XIAP: variants seen among roughly 807,000 people sequenced by gnomAD.
XIAP encodes the protein X-linked inhibitor of apoptosis.
In XIAP, 3 loss-of-function variants were observed where a neutral mutation model predicts 33.1. The observed-to-expected ratio is 0.09, with a 90% CI of 0.04 to 0.23. The LOEUF (loss-of-function observed/expected upper bound fraction) is 0.23. Ranked by LOEUF, XIAP falls within the 10% of genes least tolerant of loss-of-function variation. The pLI is 1.00. For synonymous variants in XIAP, 98 were observed against 121.3 expected (o/e 0.81, Z 1.26); for missense variants, 264 against 363.0 (o/e 0.73, Z 2.22).
At chrX:123,863,406 G>A (rs1359933000) in intron 1 of XIAP, among the ~76,000 whole-genome samples, 1 of 110,672 alleles carries the variant, frequency 9.0e-6, no homozygotes, top group African/African-American at 3.3e-5. Context: ...AGCTGAGAAC[G>A]CAACATTCAA....
chrX:123,865,397 G>A (rs969084715), intron 1 of XIAP, among the ~76,000 whole-genome samples: 2 of 110,666 alleles, frequency 1.8e-5, no homozygotes, highest in Non-Finnish European at 3.8e-5. Context: ...TCACATTTTT[G>A]ATATGTTATT....
intron 1 of XIAP, among the ~76,000 whole-genome samples, chrX:123,872,178 A>C (rs1006600787): frequency 9.0e-6 from 1 of 111,066 alleles, no homozygotes; most frequent in African/African-American, 3.3e-5. Context: ...ATTTTAGGGA[A>C]GTTTTTGCCC....
At chrX:123,867,305 C>T (rs1487826356) in intron 1 of XIAP, among the ~76,000 whole-genome samples, 2 of 108,731 alleles carry the variant, frequency 1.8e-5, no homozygotes, top group Admixed American at 1.0e-4. Context: ...GTGATTAGCC[C>T]GCCTCAGCCT....
chrX:123,867,671 C>CTTTTT (rs747177182), intron 1 of XIAP, among the ~76,000 whole-genome samples: 7 of 66,896 alleles, frequency 1.0e-4, no homozygotes, highest in Non-Finnish European at 1.6e-4. Context: ...CGTACCTGGC[C>CTTTTT]TTTTTTTTTT....
chrX:123,913,193 C>T lies in XIAP; in HGVS notation c.*6012C>T, dbSNP rs754384072. 29 of 326,352 alleles carry T rather than the reference C, an allele frequency of 8.9e-5. No individual in the cohort carries two copies. The highest frequency in any genetic ancestry group is 6.7e-4 in the African/African-American group (25 of 37,319). The allele number at this position is 326,352 out of a possible 1,213,427, so 26.9% of individuals were successfully genotyped here. A position where few individuals can be genotyped will look rare whatever the true frequency, so the allele number is the denominator to read the frequency against. ...TATCTTCAAAGTAGACAAATGGCGC[C>T]GGGCACGGTGGCTCACGCCTGTAAT... is the stretch of plus-strand genomic sequence containing the variant. On this transcript the variant is annotated 3_prime_UTR_variant, in exon 7 of 7. Coordinates refer to ENST00000371199, the MANE Select transcript of XIAP (RefSeq NM_001167.4).
chrX:123,904,168 C>A (rs967037996), intron 6 of XIAP, among the ~76,000 whole-genome samples: 3 of 110,735 alleles, frequency 2.7e-5, no homozygotes, highest in Non-Finnish European at 5.7e-5. Flanking sequence ...AACTCCTGGG[C>A]TCAAGCTATC....
chrX:123,886,367 T>G lies in XIAP; in HGVS notation c.705T>G (p.Leu235=). Reference sequence around the variant, plus strand: ...GCTTCTTTGTTTTGGGCCGGAATCTTAATATTCGAAGTGAATCTGATGCTG... The same window carrying G: ...GCTTCTTTGTTTTGGGCCGGAATCTGAATATTCGAAGTGAATCTGATGCTG... ...PNCFFVLGRN[L]NIRSESDAVS... is the part of the protein sequence containing the mutation. The change falls in exon 2 of 7, where the codon CTT becomes CTG. Residue 235 remains leucine (L), a synonymous_variant. Coordinates refer to ENST00000371199, the MANE Select transcript of XIAP (RefSeq NM_001167.4). The G allele has an allele frequency of 8.3e-7, 1 of 1,212,008 alleles. No homozygotes were observed. The highest frequency in any genetic ancestry group is 1.8e-5 in the South Asian group (1 of 57,029).
chrX:123,863,798 C>A (rs1472096447), intron 1 of XIAP, among the ~76,000 whole-genome samples: 1 of 111,430 alleles, frequency 9.0e-6, no homozygotes, highest in African/African-American at 3.3e-5. Flanking sequence ...CCTGGCCCAG[C>A]TGTCTCGTTT....
At chrX:123,894,131 G>A (rs978016271) in intron 5 of XIAP, among the ~76,000 whole-genome samples, 3 of 112,431 alleles carry the variant, frequency 2.7e-5, no homozygotes, top group Non-Finnish European at 5.6e-5. Flanking sequence ...CTTCACAGAG[G>A]TGTAAGTTTT....
At chrX:123,895,706 C>CA (rs1332052048) in intron 5 of XIAP, among the ~76,000 whole-genome samples, 9 of 101,812 alleles carry the variant, frequency 8.8e-5, no homozygotes, top group South Asian at 4.6e-4. Flanking sequence ...AGCATCTTTT[C>CA]ATGTGCCTAT....
At chrX:123,887,938 C>T (rs913941687) in intron 2 of XIAP, among the ~76,000 whole-genome samples, 14 of 107,480 alleles carry the variant, frequency 1.3e-4, no homozygotes, top group Non-Finnish European at 1.7e-4. Context: ...GAGCCGTGAT[C>T]GCGCCATTGC....
intron 1 of XIAP, among the ~76,000 whole-genome samples, chrX:123,867,468 G>T (rs2053152613): frequency 9.2e-6 from 1 of 108,493 alleles, no homozygotes; most frequent in Admixed American, 1.0e-4. Context: ...CCGCCTCCTG[G>T]GTTCAAGTGA....
In XIAP at chrX:123,909,239, C is replaced by T. The variant is rs1422835426; in HGVS notation, c.*2058C>T. 6.3e-6 allele frequency: 2 copies of T among 315,662 alleles called. No homozygotes were observed. Among genetic ancestry groups the T allele is most frequent in the Non-Finnish European group, 1.2e-5 (2 of 163,472 alleles). The allele number at this position is 315,662 out of a possible 1,213,427, so 26.0% of individuals were successfully genotyped here. A position where few individuals can be genotyped will look rare whatever the true frequency, so the allele number is the denominator to read the frequency against. ...AGAGACGGGGTTTCACCATGTTGGC[C>T]AGGCTGGTATCAAACTCCTGACCTC... On this transcript the variant is annotated 3_prime_UTR_variant, in exon 7 of 7. Coordinates refer to ENST00000371199, the MANE Select transcript of XIAP (RefSeq NM_001167.4).
rs368295939 is a variant in XIAP at position 123,912,216 on chromosome X, G to GAAA, written c.*5045_*5047dup. 0.17 allele frequency: 31,909 copies of GAAA among 184,207 alleles called. 1,361 individuals are homozygous for GAAA. The highest frequency in any genetic ancestry group is 0.27 in the East Asian group (1,687 of 6,260). 15.2% of individuals were successfully genotyped at this position (184,207 alleles called of 1,213,427 possible). Reference sequence around the variant, plus strand: ...ACCAAGGAGGAATTGAAAACACTGAGAAAAAAAAAAAAGACCACACAATAA... The same window carrying GAAA: ...ACCAAGGAGGAATTGAAAACACTGAGAAAAAAAAAAAAAAAGACCACACAATAA... On this transcript the variant is annotated 3_prime_UTR_variant, in exon 7 of 7. Transcript: ENST00000371199.
chrX:123,903,593 G>A (rs1229349057), intron 6 of XIAP, among the ~76,000 whole-genome samples: 1 of 103,106 alleles, frequency 9.7e-6, no homozygotes, highest in Non-Finnish European at 2.0e-5. Context: ...CCTGACTTCT[G>A]GTCCAGTGTT....
chrX:123,882,180 C>T (rs1329768142), intron 1 of XIAP, among the ~76,000 whole-genome samples: 1 of 111,917 alleles, frequency 8.9e-6, no homozygotes, highest in Non-Finnish European at 1.9e-5. Context: ...AGGTTTAACC[C>T]AGTCTCCCAG....
rs1159756658 is a variant in XIAP at position 123,913,652 on chromosome X, G to GT, written c.*6472dup. On this transcript the variant is annotated 3_prime_UTR_variant, in exon 7 of 7. Coordinates refer to ENST00000371199, the MANE Select transcript of XIAP (RefSeq NM_001167.4). Reference sequence around the variant, plus strand: ...ATATGTTACCATTTTTCTGGATTTAGTAAGAAATTTGCAGTTTTGGTTTGA... The same window carrying GT: ...ATATGTTACCATTTTTCTGGATTTAGTTAAGAAATTTGCAGTTTTGGTTTGA... 1.6e-5 allele frequency: 5 copies of GT among 322,029 alleles called. No individual in the cohort carries two copies. The Admixed American group carries it at 1.6e-4, about 10-fold the overall frequency. The allele number at this position is 322,029 out of a possible 1,213,427, so 26.5% of individuals were successfully genotyped here.
At chrX:123,900,806 A>C in intron 6 of XIAP, 113 bp downstream of exon 6, 1 of 661,432 alleles carries the variant, frequency 1.5e-6, no homozygotes, top group South Asian at 2.3e-5. Context: ...TTTTAAACGT[A>C]ACCTTAATGC....
intron 1 of XIAP, among the ~76,000 whole-genome samples, chrX:123,884,377 G>T (rs2053333024): frequency 9.1e-6 from 1 of 110,139 alleles, no homozygotes; most frequent in Admixed American, 9.8e-5. Context: ...CCAGCTACTT[G>T]AGAGGCTGAG....
Sources: gnomAD v4.1 joint callset for allele counts (sites outside exome capture counted in the v4.1 genomes callset) on GRCh38, gnomAD v4.1.1 for gene constraint, MANE v1.5 for transcripts, NCBI Gene and HGNC (gene_info 2026-07-23, HGNC 2026-07-21) for gene names.